SGCZ: variants seen among roughly 807,000 people sequenced by gnomAD.
The protein encoded by SGCZ is sarcoglycan zeta.
In SGCZ, 40 loss-of-function variants were observed where a neutral mutation model predicts 41.3. That is an observed-to-expected ratio of 0.97 (90% confidence interval 0.75 to 1.26). SGCZ has a LOEUF of 1.26. Ranked by LOEUF, SGCZ falls within the 50% of genes most tolerant of loss-of-function variation. SGCZ has a pLI of 0.00. For missense variants in SGCZ, 552 were observed against 369.8 expected (o/e 1.49, Z -4.04); for synonymous variants, 206 against 137.5 (o/e 1.50, Z -3.49).
intron 2 of SGCZ, among the ~76,000 whole-genome samples, chr8:14,332,298 G>A (rs967484687): frequency 1.3e-5 from 2 of 151,918 alleles, no homozygotes; most frequent in Non-Finnish European, 2.9e-5. Context: ...AAAATTAGTC[G>A]GGCGTGGTGG....
intron 1 of SGCZ, among the ~76,000 whole-genome samples, chr8:15,214,915 T>C (rs1801350393): frequency 6.6e-6 from 1 of 152,152 alleles, no homozygotes; most frequent in Non-Finnish European, 1.5e-5. Flanking sequence ...AAAGCGAAGT[T>C]GCAGATAATG....
intron 1 of SGCZ, among the ~76,000 whole-genome samples, chr8:14,727,123 A>C (rs779789714): frequency 2.6e-5 from 4 of 152,192 alleles, no homozygotes; most frequent in Non-Finnish European, 5.9e-5. Flanking sequence ...CCAAGAGAAA[A>C]ACAAATCAAA....
chr8:14,360,258 C>G (rs926290410), intron 2 of SGCZ, among the ~76,000 whole-genome samples: 1 of 151,916 alleles, frequency 6.6e-6, no homozygotes, highest in Non-Finnish European at 1.5e-5. Context: ...GAAGTTCTAG[C>G]AAGAGCAATC....
intron 1 of SGCZ, among the ~76,000 whole-genome samples, chr8:15,019,589 C>G (rs1386534865): frequency 1.3e-5 from 2 of 151,932 alleles, no homozygotes; most frequent in Non-Finnish European, 2.9e-5. Flanking sequence ...TTGGCTTCAA[C>G]AGGCTTACAT....
chr8:14,107,723 C>A (rs956295031), intron 6 of SGCZ, among the ~76,000 whole-genome samples: 4 of 152,148 alleles, frequency 2.6e-5, no homozygotes, highest in African/African-American at 9.7e-5. Flanking sequence ...ACTGCAGCCA[C>A]GACCTCCTGG....
intron 1 of SGCZ, among the ~76,000 whole-genome samples, chr8:14,912,976 T>C (rs1799321510): frequency 6.6e-6 from 1 of 152,086 alleles, no homozygotes; most frequent in Non-Finnish European, 1.5e-5. Context: ...TGTTTGGTTT[T>C]AGTTAGTAAT....
At chr8:15,214,528 G>T (rs1405999678) in intron 1 of SGCZ, among the ~76,000 whole-genome samples, 2 of 151,956 alleles carry the variant, frequency 1.3e-5, no homozygotes, top group Admixed American at 1.3e-4. Flanking sequence ...GCTAATCAAA[G>T]TTAGAGTTGA....
intron 1 of SGCZ, among the ~76,000 whole-genome samples, chr8:14,983,996 A>G (rs1244140942): frequency 6.6e-6 from 1 of 152,210 alleles, no homozygotes; most frequent in Non-Finnish European, 1.5e-5. Context: ...AGTACTTAAC[A>G]TTTATAAAGA....
intron 1 of SGCZ, among the ~76,000 whole-genome samples, chr8:15,207,048 T>C (rs543496553): frequency 6.6e-5 from 10 of 152,254 alleles, no homozygotes; most frequent in African/African-American, 2.4e-4. Flanking sequence ...GACGAAGGGA[T>C]GTGGGGCTTG....
At chr8:14,132,358 C>G (rs1161980085) in intron 5 of SGCZ, among the ~76,000 whole-genome samples, 1 of 152,142 alleles carries the variant, frequency 6.6e-6, no homozygotes, top group African/African-American at 2.4e-5. Flanking sequence ...ATGATTGCAA[C>G]AAAATACAAA....
At chr8:14,499,198 T>A (rs1802077201) in intron 2 of SGCZ, among the ~76,000 whole-genome samples, 1 of 152,026 alleles carries the variant, frequency 6.6e-6, no homozygotes, top group African/African-American at 2.4e-5. Context: ...TTTCTACCCA[T>A]ATCTCTATCA....
intron 1 of SGCZ, among the ~76,000 whole-genome samples, chr8:15,111,616 T>C (rs534573050): frequency 6.6e-6 from 1 of 152,198 alleles, no homozygotes; most frequent in Non-Finnish European, 1.5e-5. Context: ...AATCCCTACA[T>C]TTCGGCCGGG....
intron 1 of SGCZ, among the ~76,000 whole-genome samples, chr8:14,787,786 C>T (rs1800816353): frequency 6.6e-6 from 1 of 151,824 alleles, no homozygotes; most frequent in Non-Finnish European, 1.5e-5. Context: ...GCGGAGATTG[C>T]GGTGACCTAA....
intron 1 of SGCZ, among the ~76,000 whole-genome samples, chr8:14,645,430 G>T (rs1003427577): frequency 1.5e-5 from 2 of 133,064 alleles, no homozygotes; most frequent in African/African-American, 2.8e-5. Context: ...ATATTTGCAG[G>T]TTTCTTTATG....
chr8:14,360,154 T>A (rs1264248442), intron 2 of SGCZ, among the ~76,000 whole-genome samples: 1 of 152,082 alleles, frequency 6.6e-6, no homozygotes, highest in African/African-American at 2.4e-5. Flanking sequence ...ACAGCTAGTA[T>A]CATACTTAAT....
chr8:15,043,178 C>A (rs1288902360), intron 1 of SGCZ, among the ~76,000 whole-genome samples: 2 of 152,250 alleles, frequency 1.3e-5, no homozygotes, highest in African/African-American at 4.8e-5. Flanking sequence ...TGTTTGATTT[C>A]ATTTCTTTAA....
intron 1 of SGCZ, among the ~76,000 whole-genome samples, chr8:14,585,905 C>T (rs1317738150): frequency 6.6e-6 from 1 of 151,994 alleles, no homozygotes; most frequent in Non-Finnish European, 1.5e-5. Flanking sequence ...GTGAAGTTGG[C>T]CACACAGTTG....
intron 1 of SGCZ, among the ~76,000 whole-genome samples, chr8:14,633,129 C>T (rs1316897622): frequency 1.3e-5 from 2 of 151,928 alleles, no homozygotes; most frequent in Non-Finnish European, 2.9e-5. Flanking sequence ...TGAATGTTTG[C>T]TGAGTTAAAA....
intron 2 of SGCZ, among the ~76,000 whole-genome samples, chr8:14,442,011 C>G (rs2117372085): frequency 6.6e-6 from 1 of 152,340 alleles, no homozygotes; most frequent in African/African-American, 2.4e-5. Context: ...CATACATTCC[C>G]CTGCTGGGGA....
Sources: allele counts gnomAD v4.1 joint callset (sites outside exome capture counted in the v4.1 genomes callset), GRCh38; gene constraint gnomAD v4.1.1; transcripts MANE v1.5; gene names NCBI Gene and HGNC (gene_info 2026-07-23, HGNC 2026-07-21).